The following SPATS2 variants were observed in gnomAD, a reference collection of about 807,000 sequenced individuals.
SPATS2 encodes the protein spermatogenesis-associated serine-rich protein 2.
In SPATS2, 38 loss-of-function variants were observed where a neutral mutation model predicts 63.7. That is an observed-to-expected ratio of 0.60 (90% CI 0.46 to 0.78). SPATS2 has a LOEUF of 0.78. Ranked by LOEUF, SPATS2 falls within the 30% of genes least tolerant of loss-of-function variation. SPATS2 has a pLI of 0.00. For missense variants in SPATS2, 588 were observed against 666.2 expected (o/e 0.88, Z 1.29); for synonymous variants, 207 against 232.9 (o/e 0.89, Z 1.01).
At chr12:49,484,708 T>C in intron 4 of SPATS2, 39 bp downstream of exon 4, 1 of 1,569,838 alleles carries the variant, frequency 6.4e-7, no homozygotes, top group South Asian at 1.1e-5. Context: ...TTAAATGTCA[T>C]AGGAAAATTT....
chr12:49,452,601 C>T (rs959512361), intron 2 of SPATS2, among the ~76,000 whole-genome samples: 2 of 152,106 alleles, frequency 1.3e-5, no homozygotes, highest in African/African-American at 4.8e-5. Flanking sequence ...TGTTTTTTCT[C>T]CCATTTCTTC....
chr12:49,377,366 G>A (rs1391688064), intron 2 of SPATS2, among the ~76,000 whole-genome samples: 14 of 152,064 alleles, frequency 9.2e-5, no homozygotes, highest in Admixed American at 8.5e-4. Flanking sequence ...ATGTGTGTTC[G>A]GTCTCTAGCC....
intron 3 of SPATS2, among the ~76,000 whole-genome samples, chr12:49,463,837 AC>A (rs750686367): frequency 6.6e-6 from 1 of 152,208 alleles, no homozygotes; most frequent in Non-Finnish European, 1.5e-5. Flanking sequence ...TGTCAGTAAT[AC>A]TTGTAAATTC....
chr12:49,402,494 A>C (rs760660658), intron 2 of SPATS2, among the ~76,000 whole-genome samples: 28 of 152,174 alleles, frequency 1.8e-4, no homozygotes, highest in Admixed American at 1.3e-4. Flanking sequence ...GGGGACTATA[A>C]TTATTGTAAC....
At chr12:49,459,867 A>G (rs1945789635) in intron 2 of SPATS2, among the ~76,000 whole-genome samples, 1 of 145,172 alleles carries the variant, frequency 6.9e-6, no homozygotes, top group Non-Finnish European at 1.5e-5. Context: ...CAGGCGGATC[A>G]CGAGGTCAGG....
chr12:49,416,861 G>T (rs1222288632), intron 2 of SPATS2, among the ~76,000 whole-genome samples: 1 of 152,178 alleles, frequency 6.6e-6, no homozygotes, highest in Non-Finnish European at 1.5e-5. Context: ...GGAGAAGAAT[G>T]AGACTCTACC....
Position 49,473,017 on chromosome 12 carries a change from G to A in SPATS2, c.26-11573G>A, listed in dbSNP as rs76851389. Among the ~76,000 whole-genome samples, 69 of 148,810 alleles carry A rather than the reference G, an allele frequency of 4.6e-4. No individual in the cohort carries two copies. In the South Asian group the frequency reaches 0.011, roughly 24 times the overall value. ...GTGAGCCATGATTATGTCACTGCAC[G>A]CAGCCTGGGCAATAGAGTGAGACCC... On this transcript the variant is annotated intron_variant, in intron 3 of 13. Transcript: ENST00000552918.
chr12:49,409,869 G>T (rs1314743750), intron 2 of SPATS2, among the ~76,000 whole-genome samples: 1 of 151,824 alleles, frequency 6.6e-6, no homozygotes, highest in East Asian at 1.9e-4. Context: ...TCCTAAAGTG[G>T]TAGGATTACA....
At chr12:49,523,259 T>C (rs1946972338) in intron 12 of SPATS2, among the ~76,000 whole-genome samples, 1 of 152,032 alleles carries the variant, frequency 6.6e-6, no homozygotes, top group Non-Finnish European at 1.5e-5. Flanking sequence ...AGGATCACTT[T>C]AGCCCAGGAG....
intron 2 of SPATS2, among the ~76,000 whole-genome samples, chr12:49,452,534 TC>T (rs1252732353): frequency 6.6e-6 from 1 of 152,174 alleles, no homozygotes; most frequent in Non-Finnish European, 1.5e-5. Flanking sequence ...CAACCTGGCC[TC>T]CCAAAATGCT....
chr12:49,437,668 A>G (rs1315014634), intron 2 of SPATS2, among the ~76,000 whole-genome samples: 1 of 152,250 alleles, frequency 6.6e-6, no homozygotes, highest in East Asian at 1.9e-4. Context: ...CTCCACCAAA[A>G]AAATACGAAA....
intron 2 of SPATS2, among the ~76,000 whole-genome samples, chr12:49,380,842 C>G (rs1158321089): frequency 6.7e-6 from 1 of 150,090 alleles, no homozygotes; most frequent in Non-Finnish European, 1.5e-5. Context: ...TCTTTTGTGT[C>G]TATACCTAAA....
In SPATS2 at chr12:49,490,679, C is replaced by G; in HGVS notation, c.215-3C>G. The G allele has an allele frequency of 1.2e-6, 2 of 1,613,706 alleles. No homozygotes were observed. Among genetic ancestry groups the G allele is most frequent in the Non-Finnish European group, 1.7e-6 (2 of 1,179,796 alleles). On this transcript the variant is annotated splice_polypyrimidine_tract_variant and splice_region_variant and intron_variant, in intron 5 of 13. Transcript: ENST00000552918. The stretch of plus-strand genomic sequence containing the variant: ...CAAAATCTGTAATTGGTTTCTCTTA[C>G]AGGTAGTGCCAGTGAAGTACTCAAA...
At chr12:49,384,365 T>G (rs1417812345) in intron 2 of SPATS2, among the ~76,000 whole-genome samples, 1 of 152,236 alleles carries the variant, frequency 6.6e-6, no homozygotes, top group African/African-American at 2.4e-5. Context: ...GTAATATGCT[T>G]ATTGTACAAC....
intron 2 of SPATS2, among the ~76,000 whole-genome samples, chr12:49,403,594 T>TACAC (rs5798102): frequency 0.066 from 8,468 of 128,412 alleles, 335 homozygotes; most frequent in Admixed American, 0.09. Context: ...TGCCACTGTC[T>TACAC]ACACACACAC....
intron 2 of SPATS2, among the ~76,000 whole-genome samples, chr12:49,431,774 T>C (rs1945190086): frequency 6.6e-6 from 1 of 152,210 alleles, no homozygotes; most frequent in Non-Finnish European, 1.5e-5. Flanking sequence ...AGCTCATGTT[T>C]GTAATCCCAG....
At chr12:49,519,211 C>G in intron 11 of SPATS2, 29 bp downstream of exon 11, 1 of 1,569,826 alleles carries the variant, frequency 6.4e-7, no homozygotes, top group East Asian at 2.3e-5. Flanking sequence ...TTCTGCCTTT[C>G]TTCTTATCCT....
chr12:49,443,644 T>C (rs1001754094), intron 2 of SPATS2, among the ~76,000 whole-genome samples: 4 of 152,194 alleles, frequency 2.6e-5, no homozygotes, highest in Non-Finnish European at 4.4e-5. Context: ...TGTGATCCAT[T>C]TTGAGTTAAT....
At chr12:49,367,294 G>C (rs1943914001), upstream of SPATS2, 1 of 361,362 alleles carries the variant, frequency 2.8e-6, no homozygotes. Flanking sequence ...TGGCGCGCAC[G>C]CGCCCGAGAG....
Sources: allele counts gnomAD v4.1 joint callset (sites outside exome capture counted in the v4.1 genomes callset), GRCh38; gene constraint gnomAD v4.1.1; transcripts MANE v1.5; gene names NCBI Gene and HGNC (gene_info 2026-07-23, HGNC 2026-07-21).